ZNF559: variants seen among roughly 807,000 people sequenced by gnomAD.
ZNF559 encodes the protein zinc finger protein 559, also known as putative protein product of Nbla00121.
ZNF559 carries 17 observed loss-of-function variants against 14.2 expected under a neutral mutation model. The observed-to-expected ratio is 1.20, with a 90% CI of 0.82 to 1.80. The LOEUF (loss-of-function observed/expected upper bound fraction) is 1.80. ZNF559 is among the 40% of genes most tolerant of loss of function. The pLI is 0.00. For synonymous variants in ZNF559, 244 were observed against 212.4 expected (o/e 1.15, Z -1.29); for missense variants, 740 against 629.7 (o/e 1.18, Z -1.88).
rs2122210105 is a variant in ZNF559 at position 9,339,274 on chromosome 19, TAC to T, written c.117_118del (p.Tyr39Ter). The part of the protein sequence containing the change: ...TLLDQTQRNL[Y>X]RDVMLENYKN... ...GCTGGATCAAACTCAGAGAAACTTA[TAC>T]AGAGATGTGATGCTGGAGAACTATA... On this transcript the variant is annotated frameshift_variant, in exon 5 of 7. Coordinates refer to ENST00000603380, the MANE Select transcript of ZNF559 (RefSeq NM_032497.3). LOFTEE classifies it high-confidence loss of function. 1 of 1,613,968 alleles carries T rather than the reference TAC, an allele frequency of 6.2e-7. No individual in the cohort carries two copies. Among genetic ancestry groups the T allele is most frequent in the Non-Finnish European group, 8.5e-7 (1 of 1,179,918 alleles).
At chr19:9,330,438 C>T (rs959104089) in intron 2 of ZNF559, among the ~76,000 whole-genome samples, 6 of 152,140 alleles carry the variant, frequency 3.9e-5, no homozygotes, top group African/African-American at 1.4e-4. Context: ...TCTGTAACTT[C>T]TTTAATGTTT....
chr19:9,324,027 G>C (rs1209613666), upstream of ZNF559: 1 of 842,072 alleles, frequency 1.2e-6, no homozygotes, highest in Non-Finnish European at 1.8e-6. Flanking sequence ...ACCCCCTACC[G>C]GTGACACTTG....
intron 2 of ZNF559, among the ~76,000 whole-genome samples, chr19:9,332,802 C>G (rs1298607264): frequency 6.6e-6 from 1 of 152,130 alleles, no homozygotes; most frequent in Non-Finnish European, 1.5e-5. Context: ...TGGGTATCTT[C>G]TTTCTTAGCA....
intron 2 of ZNF559, among the ~76,000 whole-genome samples, chr19:9,336,408 A>G (rs2067240600): frequency 6.6e-6 from 1 of 152,066 alleles, no homozygotes; most frequent in South Asian, 2.1e-4. Context: ...CCTGACCAAC[A>G]TAGGGAAACC....
chr19:9,340,840 G>A (rs1471421358), intron 5 of ZNF559, among the ~76,000 whole-genome samples: 2 of 150,188 alleles, frequency 1.3e-5, no homozygotes, highest in African/African-American at 4.9e-5. Flanking sequence ...CAAAGTGCTG[G>A]GATTACAGGT....
rs1367364444 is a variant in ZNF559, at chr19:9,324,701, C to T, written c.-199C>T. On this transcript the variant is annotated 5_prime_UTR_variant, in exon 2 of 7. Transcript: ENST00000603380. ...TGTGCCTTTTCTCTATAAGGAACAG[C>T]ATCTCTGCCTTCCTGTTCACGGTGA... 1.3e-6 allele frequency: 2 copies of T among 1,532,646 alleles called. No individual in the cohort carries two copies. The highest frequency in any genetic ancestry group is 1.2e-5 in the South Asian group (1 of 83,986). The allele number at this position is 1,532,646 out of a possible 1,614,324, so 94.9% of individuals were successfully genotyped here. A position where few individuals can be genotyped will look rare whatever the true frequency, so the allele number is the denominator to read the frequency against.
chr19:9,327,704 GC>G (rs2066697835), intron 2 of ZNF559, among the ~76,000 whole-genome samples: 1 of 151,854 alleles, frequency 6.6e-6, no homozygotes, highest in South Asian at 2.1e-4. Context: ...CACTTTCACT[GC>G]CCTCTATACT....
At chr19:9,327,797 C>T (rs1473454378) in intron 2 of ZNF559, among the ~76,000 whole-genome samples, 3 of 151,852 alleles carry the variant, frequency 2.0e-5, no homozygotes, top group East Asian at 1.9e-4. Context: ...TCCTGTCATT[C>T]GTATTGATGC....
rs751137919 is a variant in ZNF559, at chr19:9,342,123, T to C, written c.672T>C (p.His224=). The change falls in exon 7 of 7, where the codon CAT becomes CAC. Residue 224 remains histidine, a synonymous_variant. Transcript: ENST00000603380. ...AGGAGTATGTCGAAACCTTTTCTCA[T>C]TCTACAGCCCTTTTTGTACACATGC... ...THKEYVETFS[H]STALFVHMQT... is the part of the protein sequence containing the mutation. The C allele has an allele frequency of 6.8e-6, 11 of 1,613,608 alleles. No homozygotes were observed. The highest frequency in any genetic ancestry group is 1.7e-5 in the Admixed American group (1 of 59,860).
chr19:9,341,583 T>A (rs753752918), intron 6 of ZNF559, 112 bp from the exon 7 acceptor site: 1 of 1,561,308 alleles, frequency 6.4e-7, no homozygotes, highest in Non-Finnish European at 8.7e-7. Context: ...ACAAACAGTT[T>A]CAATTATACT....
rs1292434775 is a variant in ZNF559 at position 9,337,127 on chromosome 19, G to A, written c.-119-669G>A. 3.3e-5 allele frequency among the ~76,000 whole-genome samples: 5 copies of A among 152,150 alleles called. No homozygotes were observed. In the East Asian group the frequency reaches 9.6e-4, roughly 29 times the overall value. ...TAGGGAAGCTCACCTGAGCTTTGGT[G>A]TCCAGGATTTTTACTGAGGGTTAGT... On this transcript the variant is annotated intron_variant, in intron 2 of 6. Transcript: ENST00000603380.
rs200842205 is a variant in ZNF559 at position 9,339,767 on chromosome 19, C to CT, written c.160+467dup. On this transcript the variant is annotated intron_variant, in intron 5 of 6. Coordinates refer to ENST00000603380, the MANE Select transcript of ZNF559 (RefSeq NM_032497.3). Reference sequence around the variant, plus strand: ...TTTGTTATCCCTTGCACATTCTTTACTTTTTTTTTTTTTTTTTTTGAGACA... The same window carrying CT: ...TTTGTTATCCCTTGCACATTCTTTACTTTTTTTTTTTTTTTTTTTTGAGACA... Among the ~76,000 whole-genome samples, 806 of 134,528 alleles carry CT rather than the reference C, an allele frequency of 6.0e-3. 13 individuals carry two copies. The highest frequency in any genetic ancestry group is 0.021 in the Admixed American group (283 of 13,186). 88.3% of individuals were successfully genotyped at this position (134,528 alleles called of 152,430 possible).
chr19:9,336,698 T>TC (rs775052778), intron 2 of ZNF559, among the ~76,000 whole-genome samples: 6 of 152,220 alleles, frequency 3.9e-5, no homozygotes, highest in Non-Finnish European at 7.3e-5. Context: ...GACTGCTCTA[T>TC]CCTAAGTGTC....
chr19:9,328,274 A>G (rs908340901), intron 2 of ZNF559, among the ~76,000 whole-genome samples: 1 of 151,638 alleles, frequency 6.6e-6, no homozygotes, highest in Non-Finnish European at 1.5e-5. Flanking sequence ...ATAAAGTTCA[A>G]ACATTTGCTT....
intron 2 of ZNF559, among the ~76,000 whole-genome samples, chr19:9,325,505 T>TCTTTAGTC (rs2066536013): frequency 6.7e-6 from 1 of 149,954 alleles, no homozygotes; most frequent in African/African-American, 2.5e-5. Context: ...AAAACAAATG[T>TCTTTAGTC]CTTTAGTCCA....
chr19:9,327,456 T>C (rs895664079), intron 2 of ZNF559, among the ~76,000 whole-genome samples: 30 of 152,076 alleles, frequency 2.0e-4, no homozygotes, highest in African/African-American at 6.5e-4. Flanking sequence ...CCCATGTTGG[T>C]CAGGCTGGTC....
chr19:9,333,571 C>T (rs908491463), intron 2 of ZNF559, among the ~76,000 whole-genome samples: 3 of 151,998 alleles, frequency 2.0e-5, no homozygotes, highest in Non-Finnish European at 2.9e-5. Context: ...TGCTTCTTCT[C>T]CTAGCTACTT....
chr19:9,331,909 G>T (rs1047420032), intron 2 of ZNF559, among the ~76,000 whole-genome samples: 1 of 152,090 alleles, frequency 6.6e-6, no homozygotes, highest in African/African-American at 2.4e-5. Flanking sequence ...GACCCCTGTG[G>T]AAAACAGATT....
intron 2 of ZNF559, among the ~76,000 whole-genome samples, chr19:9,334,930 C>T (rs575634051): frequency 3.3e-5 from 5 of 151,898 alleles, no homozygotes; most frequent in East Asian, 3.9e-4. Flanking sequence ...GTCAGGAGGT[C>T]GAAACCATCC....
Sources: allele counts gnomAD v4.1 joint callset (sites outside exome capture counted in the v4.1 genomes callset), GRCh38; gene constraint gnomAD v4.1.1; transcripts MANE v1.5; gene names NCBI Gene and HGNC (gene_info 2026-07-23, HGNC 2026-07-21).